Variants in NDUFAF7 observed in about 807,000 individuals in gnomAD.
The protein encoded by NDUFAF7 is NADH:ubiquinone oxidoreductase complex assembly factor 7, also known as protein arginine methyltransferase NDUFAF7, mitochondrial.
In NDUFAF7, 48 loss-of-function variants were observed where a neutral mutation model predicts 47.2. That is an observed-to-expected ratio of 1.02 (90% CI 0.81 to 1.29). The LOEUF is 1.29. Ranked by LOEUF, NDUFAF7 falls within the 50% of genes most tolerant of loss-of-function variation. NDUFAF7 has a pLI of 0.00. For synonymous variants in NDUFAF7, 217 were observed against 190.0 expected, an observed-to-expected ratio of 1.14 and a Z score of -1.17; for missense variants, 635 against 537.6, an observed-to-expected ratio of 1.18 and a Z score of -1.79.
At chr2:37,267,606 T>G in the NDUFAF7 span, 1 of 1,128,718 alleles carries the variant, frequency 8.9e-7, no homozygotes, top group South Asian at 1.3e-5. Flanking sequence ...GTCCACAGAC[T>G]GAAATTTATA....
rs1437835338 is a variant in NDUFAF7, at chr2:37,234,813, T to A, written c.217-1283T>A. On this transcript the variant is annotated intron_variant, in intron 2 of 9. Transcript: ENST00000002125. ...GGAGAAGGGGAAGGCATTTCATTCT[T>A]GGAGTCCCCAGATTAGGTTAGAGGC... 2.0e-5 allele frequency among the ~76,000 whole-genome samples: 3 copies of A among 152,226 alleles called. No homozygotes were observed. In the East Asian group the frequency reaches 5.8e-4, roughly 29 times the overall value.
chr2:37,263,975 G>A, the NDUFAF7 span, among the ~76,000 whole-genome samples: 18 of 152,064 alleles, frequency 1.2e-4, no homozygotes, highest in Admixed American at 5.9e-4. Flanking sequence ...TTTTGATAAC[G>A]TTTTCTAATT....
In NDUFAF7 at chr2:37,236,128, A is replaced by T; in HGVS notation, c.249A>T (p.Glu83Asp). ...GYYVYRDMLG[E>D]KGDFITSPEI... ...ATGTGTACCGTGACATGCTAGGCGA[A>T]AAAGGAGATTTCATTACTTCACCTG... Residue 83 changes from glutamate (E) to aspartate (D), a missense_variant, in exon 3 of 10, where the codon GAA becomes GAT. Glu to Asp is a conservative substitution (Grantham distance 45, BLOSUM62 2). Transcript: ENST00000002125. 1 of 1,613,460 alleles carries T rather than the reference A, an allele frequency of 6.2e-7. No homozygotes were observed. Among genetic ancestry groups the T allele is most frequent in the South Asian group, 1.1e-5 (1 of 91,076 alleles).
chr2:37,257,854 A>T (rs1394485201), downstream of NDUFAF7, among the ~76,000 whole-genome samples: 1 of 152,162 alleles, frequency 6.6e-6, no homozygotes, highest in East Asian at 1.9e-4. Context: ...AGTGAGTAAC[A>T]GCAACACTTT....
intron 2 of NDUFAF7, among the ~76,000 whole-genome samples, chr2:37,232,594 G>A (rs1391932379): frequency 1.3e-5 from 2 of 152,170 alleles, no homozygotes; most frequent in Admixed American, 6.5e-5. Flanking sequence ...GAAGGAATAC[G>A]GGAGGAAGGA....
At chr2:37,249,805 A>C (rs1304001408), downstream of NDUFAF7, among the ~76,000 whole-genome samples, 1 of 152,174 alleles carries the variant, frequency 6.6e-6, no homozygotes, top group Non-Finnish European at 1.5e-5. Flanking sequence ...AATTAGCAAC[A>C]CAGATTTACA....
At position 37,246,109 on chromosome 2, in the gene NDUFAF7, G is replaced by A; in HGVS notation, c.850G>A (p.Glu284Lys). The A allele has an allele frequency of 1.2e-6, 2 of 1,613,916 alleles. No homozygotes were observed. The highest frequency in any genetic ancestry group is 1.7e-6 in the Non-Finnish European group (2 of 1,179,870). ...VCPDAGVIIE[E>K]LSQRIALTGG... ...TCCTGATGCTGGTGTTATCATCGAG[G>A]AACTTTCTCAACGCATTGCATTAAC... Residue 284 changes from glutamate (E) to lysine (K), a missense_variant, in exon 8 of 10, where the codon GAA (glutamate) becomes AAA (lysine). Physicochemically the swap from Glu to Lys is moderately conservative, Grantham distance 56. Coordinates refer to ENST00000002125, the MANE Select transcript of NDUFAF7 (RefSeq NM_144736.5).
chr2:37,244,918 G>A (rs1666747963), intron 7 of NDUFAF7, among the ~76,000 whole-genome samples: 2 of 152,072 alleles, frequency 1.3e-5, no homozygotes, highest in Non-Finnish European at 2.9e-5. Context: ...TATTCACTTA[G>A]GAAGGGAGGG....
At chr2:37,266,619 T>A in the NDUFAF7 span, among the ~76,000 whole-genome samples, 1 of 152,140 alleles carries the variant, frequency 6.6e-6, no homozygotes, top group African/African-American at 2.4e-5. Flanking sequence ...CCTGAGTAGC[T>A]GGGATTATGG....
chr2:37,265,312 A>G, the NDUFAF7 span, among the ~76,000 whole-genome samples: 3 of 152,240 alleles, frequency 2.0e-5, no homozygotes, highest in South Asian at 2.1e-4. Flanking sequence ...TGATGCTCAC[A>G]TAACTAAATC....
In NDUFAF7 at chr2:37,240,224, G is replaced by C. The variant is rs1666216091; in HGVS notation, c.409-1354G>C. Among the ~76,000 whole-genome samples the C allele has an allele frequency of 2.6e-5, 4 of 152,006 alleles. No individual in the cohort carries two copies. In the South Asian group the frequency reaches 8.3e-4, roughly 31 times the overall value. Reference sequence around the variant, plus strand: ...GGCTCCCAAAGTTCAAGATCAGCTTGGGCAATACGGTGAAACTCCATCTCT... The same window carrying C: ...GGCTCCCAAAGTTCAAGATCAGCTTCGGCAATACGGTGAAACTCCATCTCT... On this transcript the variant is annotated intron_variant, in intron 4 of 9. Coordinates refer to ENST00000002125, the MANE Select transcript of NDUFAF7 (RefSeq NM_144736.5).
At chr2:37,255,419 A>T (rs564645654), downstream of NDUFAF7, among the ~76,000 whole-genome samples, 1 of 152,332 alleles carries the variant, frequency 6.6e-6, no homozygotes, top group African/African-American at 2.4e-5. Flanking sequence ...TGTTTTAAGT[A>T]GTGTACTTGT....
the NDUFAF7 span, among the ~76,000 whole-genome samples, chr2:37,259,064 A>C: frequency 3.3e-5 from 5 of 149,952 alleles, no homozygotes; most frequent in East Asian, 2.0e-4. Context: ...AAAAAAAAAA[A>C]CTCAACTGAA....
chr2:37,254,294 G>A, downstream of NDUFAF7: 1 of 1,609,644 alleles, frequency 6.2e-7, no homozygotes, highest in Non-Finnish European at 8.5e-7. Context: ...CAATTGCTAA[G>A]GGAAAAGACA....
the NDUFAF7 span, among the ~76,000 whole-genome samples, chr2:37,270,065 T>C: frequency 1.3e-5 from 2 of 151,998 alleles, no homozygotes. Context: ...CCATCTCTAC[T>C]AAAAATACAA....
the NDUFAF7 span, chr2:37,260,138 C>T: frequency 3.2e-6 from 4 of 1,263,138 alleles, no homozygotes; most frequent in Non-Finnish European, 2.2e-6. Flanking sequence ...CACTCCAGCC[C>T]AGGTGACAGA....
downstream of NDUFAF7, chr2:37,252,505 T>TA (rs1203355007): frequency 2.0e-5 from 3 of 152,194 alleles, no homozygotes; most frequent in Non-Finnish European, 4.4e-5. Flanking sequence ...TGACAATCCT[T>TA]ATGCTGTATA....
chr2:37,254,135 T>C, downstream of NDUFAF7: 1 of 1,153,450 alleles, frequency 8.7e-7, no homozygotes, highest in South Asian at 1.2e-5. Context: ...AGTGGTCTCA[T>C]TAGGTGGGAC....
chr2:37,244,935 T>C (rs1165997870), intron 7 of NDUFAF7, among the ~76,000 whole-genome samples: 2 of 152,186 alleles, frequency 1.3e-5, no homozygotes, highest in African/African-American at 2.4e-5. Flanking sequence ...AGGGAGCGAA[T>C]ATTCTCTTTC....
Sources: allele counts gnomAD v4.1 joint callset (sites outside exome capture counted in the v4.1 genomes callset), GRCh38; gene constraint gnomAD v4.1.1; transcripts MANE v1.5; gene names NCBI Gene and HGNC (gene_info 2026-07-23, HGNC 2026-07-21).